Variants in AP3B1 observed in about 807,000 individuals in gnomAD.
AP3B1 encodes the protein AP-3 complex subunit beta-1.
A neutral mutation model predicts 132.5 loss-of-function variants in AP3B1; 61 were observed. The ratio of observed to expected loss-of-function variants is 0.46; its 90% CI spans 0.37 to 0.57. The LOEUF is 0.57. Among genes scored for constraint, AP3B1 ranks in the 20% least tolerant of loss-of-function variants. AP3B1 has a pLI of 0.00. For synonymous variants in AP3B1, 388 were observed against 438.3 expected, an observed-to-expected ratio of 0.89 and a Z score of 1.43; for missense variants, 1,120 against 1,289.4, an observed-to-expected ratio of 0.87 and a Z score of 2.01.
chr5:78,147,435 T>G (rs1753452602), intron 14 of AP3B1, among the ~76,000 whole-genome samples: 1 of 152,206 alleles, frequency 6.6e-6, no homozygotes, highest in African/African-American at 2.4e-5. Context: ...GTCTGTCTTT[T>G]GATGAGAAAA....
chr5:78,177,339 C>G lies in AP3B1; in HGVS notation c.1040G>C (p.Arg347Thr). The G allele has an allele frequency of 6.2e-7, 1 of 1,604,596 alleles. No individual in the cohort carries two copies. The highest frequency in any genetic ancestry group is 8.5e-7 in the Non-Finnish European group (1 of 1,171,488). ...KSLVRLLRSN[R>T]EVQYIVLQNI... The stretch of plus-strand genomic sequence containing the variant: ...AAATATATATAAAATCATGACCTAC[C>G]TATTGCTACGAAGTAAACGCACTAG... The change falls in exon 9 of 27, where the codon AGG becomes ACG. Residue 347 changes from arginine to threonine, a missense_variant and splice_region_variant. Coordinates refer to ENST00000255194, the MANE Select transcript of AP3B1 (RefSeq NM_003664.5).
intron 2 of AP3B1, among the ~76,000 whole-genome samples, chr5:78,263,462 C>A (rs1748185285): frequency 6.6e-6 from 1 of 152,056 alleles, no homozygotes; most frequent in African/African-American, 2.4e-5. Flanking sequence ...TTTACTTCTT[C>A]CTTTTCCATT....
In AP3B1 at chr5:78,122,467, C is replaced by A. The variant is rs1406802218; in HGVS notation, c.1968+5563G>T. On this transcript the variant is annotated intron_variant, in intron 17 of 26. Coordinates refer to ENST00000255194, the MANE Select transcript of AP3B1 (RefSeq NM_003664.5). The stretch of plus-strand genomic sequence containing the variant: ...AAAACCCATCGTCTCAGCCCAAAAT[C>A]TCCTTAAGCTGATAAGCAACTTCAG... 2.6e-5 allele frequency among the ~76,000 whole-genome samples: 4 copies of A among 152,214 alleles called. No individual in the cohort carries two copies. The East Asian group carries it at 5.8e-4, about 22-fold the overall frequency.
At position 78,002,531 on chromosome 5, in the gene AP3B1, G is replaced by A; in HGVS notation, c.*371C>T. On this transcript the variant is annotated 3_prime_UTR_variant, in exon 27 of 27. Transcript: ENST00000255194. ...TTAGACTATCTCTTTGCTAATTTTTGCTTACTGCTGTAGGGAAGAAGATTT... is the reference window on the plus strand; with the variant it reads ...TTAGACTATCTCTTTGCTAATTTTTACTTACTGCTGTAGGGAAGAAGATTT... 2 of 483,396 alleles carry A rather than the reference G, an allele frequency of 4.1e-6. No homozygotes were observed. The highest frequency in any genetic ancestry group is 6.2e-5 in the East Asian group (2 of 32,278). 29.9% of individuals were successfully genotyped at this position (483,396 alleles called of 1,614,324 possible). A position where few individuals can be genotyped will look rare whatever the true frequency, so the allele number is the denominator to read the frequency against.
At chr5:78,177,506 C>A in intron 8 of AP3B1, 70 bp from the exon 9 acceptor site, 2 of 1,100,022 alleles carry the variant, frequency 1.8e-6, no homozygotes, top group Admixed American at 3.4e-5. Context: ...AAATCCATTC[C>A]TACACATTAT....
intron 6 of AP3B1, among the ~76,000 whole-genome samples, chr5:78,220,108 A>T (rs1253148000): frequency 6.6e-6 from 1 of 152,136 alleles, no homozygotes; most frequent in East Asian, 1.9e-4. Flanking sequence ...TCTTCCTTCA[A>T]TGAAGAATTA....
intron 22 of AP3B1, chr5:78,088,903 A>C (rs1292454133): frequency 1.9e-5 from 3 of 156,894 alleles, no homozygotes; most frequent in Non-Finnish European, 2.8e-5. Context: ...TCTATAAATA[A>C]CATTAAAGAA....
intron 20 of AP3B1, among the ~76,000 whole-genome samples, chr5:78,103,873 A>G (rs1174738305): frequency 6.6e-6 from 1 of 152,164 alleles, no homozygotes; most frequent in Non-Finnish European, 1.5e-5. Flanking sequence ...ATACTTATTA[A>G]CCTCCAAATA....
intron 7 of AP3B1, among the ~76,000 whole-genome samples, chr5:78,187,428 C>T (rs1044367598): frequency 6.6e-6 from 1 of 152,136 alleles, no homozygotes; most frequent in African/African-American, 2.4e-5. Context: ...CTACTCATTC[C>T]ATTTCTTCCT....
At chr5:78,232,188 C>A (rs1257264191) in intron 3 of AP3B1, among the ~76,000 whole-genome samples, 4 of 152,148 alleles carry the variant, frequency 2.6e-5, no homozygotes, top group African/African-American at 7.2e-5. Flanking sequence ...ACTTTAAATT[C>A]TTTAATTATA....
intron 21 of AP3B1, among the ~76,000 whole-genome samples, chr5:78,097,170 C>A (rs2112222952): frequency 7.4e-6 from 1 of 134,868 alleles, no homozygotes; most frequent in Middle Eastern, 6.8e-3. Flanking sequence ...CGCCTCTGCC[C>A]AGCTGCCCCT....
intron 12 of AP3B1, among the ~76,000 whole-genome samples, chr5:78,164,318 A>C (rs767827925): frequency 6.6e-6 from 1 of 152,148 alleles, no homozygotes; most frequent in African/African-American, 2.4e-5. Context: ...TGACTGAAAA[A>C]TGGACCTTAT....
At chr5:78,234,242 C>G (rs1746779294) in intron 3 of AP3B1, among the ~76,000 whole-genome samples, 2 of 152,154 alleles carry the variant, frequency 1.3e-5, no homozygotes, top group African/African-American at 4.8e-5. Context: ...CAGAATTTTT[C>G]AAACCCAAAA....
chr5:78,120,769 C>T (rs985948646), intron 17 of AP3B1, among the ~76,000 whole-genome samples: 2 of 152,168 alleles, frequency 1.3e-5, no homozygotes, highest in Non-Finnish European at 2.9e-5. Context: ...CTACTGTCAA[C>T]ATTAAACAGA....
intron 22 of AP3B1, among the ~76,000 whole-genome samples, chr5:78,078,950 TG>T (rs1479403232): frequency 6.6e-6 from 1 of 152,234 alleles, no homozygotes; most frequent in Non-Finnish European, 1.5e-5. Flanking sequence ...GAACATGTGT[TG>T]TTACCTGCCT....
chr5:78,264,278 C>G lies in AP3B1; in HGVS notation c.204+3242G>C, dbSNP rs1362362984. ...TAATTTTTAATTTCCACTGGTCATT[C>G]TTCAAAGCAATAAAGATGAGATAAA... On this transcript the variant is annotated intron_variant, in intron 2 of 26. Transcript: ENST00000255194. 4.6e-5 allele frequency among the ~76,000 whole-genome samples: 7 copies of G among 152,108 alleles called. No homozygotes were observed. The East Asian group carries it at 1.3e-3, about 29-fold the overall frequency.
chr5:78,138,829 G>A (rs931284083), intron 15 of AP3B1, among the ~76,000 whole-genome samples: 2 of 151,644 alleles, frequency 1.3e-5, no homozygotes, highest in African/African-American at 2.4e-5. Flanking sequence ...AATTAGCCAG[G>A]CATGGTGGCA....
chr5:78,215,934 A>G (rs1226815280), intron 7 of AP3B1, 121 bp downstream of exon 7: 14 of 875,652 alleles, frequency 1.6e-5, no homozygotes, highest in Non-Finnish European at 2.6e-5. Context: ...CAAGAGACAA[A>G]TGAGTCTTCC....
Position 78,234,619 on chromosome 5 carries a change from T to C in AP3B1, c.279+6243A>G, listed in dbSNP as rs1001108140. 4.9e-4 allele frequency among the ~76,000 whole-genome samples: 74 copies of C among 152,328 alleles called. 1 individual carries two copies. The highest frequency in any genetic ancestry group is 4.4e-3 in the Admixed American group (68 of 15,304). Reference sequence around the variant, plus strand: ...CAATATATCAAATCAACACATAATATGTATTTAACTAAGTAATTTATCCCA... The same window carrying C: ...CAATATATCAAATCAACACATAATACGTATTTAACTAAGTAATTTATCCCA... On this transcript the variant is annotated intron_variant, in intron 3 of 26. Transcript: ENST00000255194.
Sources: allele counts gnomAD v4.1 joint callset (sites outside exome capture counted in the v4.1 genomes callset), GRCh38; gene constraint gnomAD v4.1.1; transcripts MANE v1.5; gene names NCBI Gene and HGNC (gene_info 2026-07-23, HGNC 2026-07-21).